CNTNAP2: variants seen among roughly 807,000 people sequenced by gnomAD.
CNTNAP2 encodes contactin associated protein 2, also known as contactin-associated protein-like 2.
In CNTNAP2, 98 loss-of-function variants were observed where a neutral mutation model predicts 155.2. The ratio of observed to expected loss-of-function variants is 0.63; its 90% confidence interval spans 0.54 to 0.75. The LOEUF (loss-of-function observed/expected upper bound fraction) is 0.75. CNTNAP2 is among the 30% of genes least tolerant of loss of function. CNTNAP2 has a pLI of 0.00. For missense variants in CNTNAP2, 1,727 were observed against 1,688.1 expected, an observed-to-expected ratio of 1.02 and a Z score of -0.40; for synonymous variants, 651 against 631.2, an observed-to-expected ratio of 1.03 and a Z score of -0.47.
chr7:147,735,951 A>C (rs1375747556), intron 13 of CNTNAP2, among the ~76,000 whole-genome samples: 1 of 149,674 alleles, frequency 6.7e-6, no homozygotes. Flanking sequence ...AATACAGCAC[A>C]CTGATGGGTC....
intron 9 of CNTNAP2, among the ~76,000 whole-genome samples, chr7:147,331,490 G>A (rs1039193600): frequency 5.3e-5 from 8 of 152,002 alleles, no homozygotes; most frequent in South Asian, 2.1e-4. Context: ...AGCATTAGCC[G>A]TGGCAACAAT....
chr7:146,552,505 G>A (rs1257804481), intron 1 of CNTNAP2, among the ~76,000 whole-genome samples: 7 of 152,046 alleles, frequency 4.6e-5, no homozygotes, highest in African/African-American at 1.4e-4. Flanking sequence ...GGATTATTAC[G>A]GCACACCTTT....
chr7:147,394,841 G>A (rs1796785025), intron 9 of CNTNAP2, among the ~76,000 whole-genome samples: 1 of 140,176 alleles, frequency 7.1e-6, no homozygotes, highest in South Asian at 2.3e-4. Flanking sequence ...GTGTGTGTGT[G>A]TGTGTGTTTA....
intron 12 of CNTNAP2, among the ~76,000 whole-genome samples, chr7:147,572,221 G>A (rs917814176): frequency 2.6e-5 from 4 of 151,938 alleles, no homozygotes; most frequent in Non-Finnish European, 5.9e-5. Flanking sequence ...GGCTTTCTTT[G>A]CAATCTCATC....
intron 1 of CNTNAP2, among the ~76,000 whole-genome samples, chr7:146,507,221 T>C (rs1409597975): frequency 6.6e-6 from 1 of 152,188 alleles, no homozygotes; most frequent in Admixed American, 6.5e-5. Flanking sequence ...ATACAGTTGT[T>C]AATTCCTTCT....
intron 9 of CNTNAP2, among the ~76,000 whole-genome samples, chr7:147,367,572 G>A (rs781105766): frequency 5.3e-5 from 8 of 152,126 alleles, no homozygotes; most frequent in Non-Finnish European, 1.0e-4. Flanking sequence ...AAAGCAGGAA[G>A]AAAGATTGTC....
At chr7:146,212,629 C>G (rs900280452) in intron 1 of CNTNAP2, among the ~76,000 whole-genome samples, 3 of 152,004 alleles carry the variant, frequency 2.0e-5, no homozygotes, top group African/African-American at 7.3e-5. Flanking sequence ...TCTAATTTTG[C>G]CAGTATGGAA....
chr7:147,571,561 G>T (rs75059583), intron 12 of CNTNAP2, among the ~76,000 whole-genome samples: 31,055 of 151,828 alleles, frequency 0.2, 3,403 homozygotes, highest in Admixed American at 0.29. Flanking sequence ...ACAAAATCTT[G>T]TTTGAATATG....
chr7:146,646,776 A>G (rs1337947473), intron 1 of CNTNAP2, among the ~76,000 whole-genome samples: 1 of 152,124 alleles, frequency 6.6e-6, no homozygotes, highest in Non-Finnish European at 1.5e-5. Context: ...GTTCATGATA[A>G]TCACATGCAA....
chr7:147,648,144 G>A (rs1795397425), intron 13 of CNTNAP2, among the ~76,000 whole-genome samples: 1 of 152,186 alleles, frequency 6.6e-6, no homozygotes, highest in Admixed American at 6.5e-5. Flanking sequence ...GATATTTTTA[G>A]GGATGAGGAG....
rs113381669 is a variant in CNTNAP2 at position 147,983,954 on chromosome 7, T to C, written c.2383+5965T>C. Among the ~76,000 whole-genome samples the C allele has an allele frequency of 6.3e-3, 955 of 152,286 alleles. 16 individuals are homozygous for C. The highest frequency in any genetic ancestry group is 0.022 in the African/African-American group (908 of 41,558). On this transcript the variant is annotated intron_variant, in intron 15 of 23. Coordinates refer to ENST00000361727, the MANE Select transcript of CNTNAP2 (RefSeq NM_014141.6). Reference sequence around the variant, plus strand: ...AAGGGGAAAGATCTAGTTATGTTGATAGAGATTATTCATAGATGTGAATTT... The same window carrying C: ...AAGGGGAAAGATCTAGTTATGTTGACAGAGATTATTCATAGATGTGAATTT...
chr7:147,588,177 A>T, intron 12 of CNTNAP2, among the ~76,000 whole-genome samples: 1 of 76,112 alleles, frequency 1.3e-5, no homozygotes, highest in South Asian at 3.5e-4. Flanking sequence ...TGTAAAAGAG[A>T]AAGAGAGATG....
intron 10 of CNTNAP2, among the ~76,000 whole-genome samples, chr7:147,454,063 TAG>T (rs1400501710): frequency 1.3e-5 from 2 of 152,328 alleles, no homozygotes; most frequent in Middle Eastern, 3.4e-3. Flanking sequence ...GTTTTAGACA[TAG>T]AGTTTTACAT....
intron 15 of CNTNAP2, among the ~76,000 whole-genome samples, chr7:148,016,999 G>A (rs938074920): frequency 6.6e-6 from 1 of 152,168 alleles, no homozygotes; most frequent in Non-Finnish European, 1.5e-5. Flanking sequence ...TATTCAGGAA[G>A]GATATTTCAT....
intron 9 of CNTNAP2, among the ~76,000 whole-genome samples, chr7:147,315,832 C>A (rs1189352171): frequency 6.6e-6 from 1 of 152,080 alleles, no homozygotes; most frequent in Non-Finnish European, 1.5e-5. Flanking sequence ...TCTTTTATGA[C>A]TGGCTTCTTT....
chr7:147,381,152 C>A (rs573661647), intron 9 of CNTNAP2, among the ~76,000 whole-genome samples: 1 of 152,144 alleles, frequency 6.6e-6, no homozygotes, highest in South Asian at 2.1e-4. Context: ...GTACTAGGGG[C>A]TTTTAATACA....
At chr7:147,907,097 C>T (rs1799969769) in intron 14 of CNTNAP2, among the ~76,000 whole-genome samples, 2 of 152,182 alleles carry the variant, frequency 1.3e-5, no homozygotes, top group East Asian at 1.9e-4. Context: ...TGCTCTGTCA[C>T]CCAGGCTGGA....
intron 8 of CNTNAP2, among the ~76,000 whole-genome samples, chr7:147,186,884 C>A (rs1442450820): frequency 1.1e-5 from 1 of 93,704 alleles, no homozygotes. Flanking sequence ...TTCGGGCTGA[C>A]CAGTAGGTCT....
At chr7:147,028,072 G>C (rs938386584) in intron 3 of CNTNAP2, among the ~76,000 whole-genome samples, 1 of 152,176 alleles carries the variant, frequency 6.6e-6, no homozygotes, top group African/African-American at 2.4e-5. Context: ...ATGAGACCTC[G>C]TAGAAGGAGG....
Sources: allele counts gnomAD v4.1 joint callset (sites outside exome capture counted in the v4.1 genomes callset), GRCh38; gene constraint gnomAD v4.1.1; transcripts MANE v1.5; gene names NCBI Gene and HGNC (gene_info 2026-07-23, HGNC 2026-07-21).